Variants in AFF2 observed in about 807,000 individuals in gnomAD.
AFF2 encodes the protein AF4/FMR2 family member 2.
In AFF2, 14 loss-of-function variants were observed where a neutral mutation model predicts 76.9. The observed-to-expected ratio is 0.18, with a 90% CI of 0.12 to 0.28. The LOEUF is 0.28. Among genes scored for constraint, AFF2 ranks in the 10% least tolerant of loss-of-function variants. The pLI is 1.00. For missense variants in AFF2, 868 were observed against 1,001.1 expected, an observed-to-expected ratio of 0.87 and a Z score of 1.79; for synonymous variants, 398 against 366.7, an observed-to-expected ratio of 1.09 and a Z score of -0.98.
At chrX:148,655,431 A>G (rs1557256942) in intron 2 of AFF2, among the ~76,000 whole-genome samples, 1 of 110,261 alleles carries the variant, frequency 9.1e-6, no homozygotes, top group Admixed American at 9.6e-5. Flanking sequence ...GTGCACCACC[A>G]TGTCCGACTA....
chrX:148,867,317 G>A (rs2070919269), intron 7 of AFF2, among the ~76,000 whole-genome samples: 1 of 112,080 alleles, frequency 8.9e-6, no homozygotes, highest in African/African-American at 3.2e-5. Flanking sequence ...TCTGGAGAAG[G>A]GCCCACCTGG....
chrX:148,614,717 C>CTTTCTTTCTTTCTT, intron 1 of AFF2, among the ~76,000 whole-genome samples: 1 of 47,694 alleles, frequency 2.1e-5, no homozygotes, highest in South Asian at 9.9e-4. Context: ...TTCTTTCTTT[C>CTTTCTTTCTTTCTT]TTTCTTTCTT....
chrX:148,845,317 T>C (rs1422700261), intron 7 of AFF2, among the ~76,000 whole-genome samples: 1 of 112,568 alleles, frequency 8.9e-6, no homozygotes, highest in African/African-American at 3.2e-5. Context: ...CAGTAGTTTG[T>C]AACTAACAGA....
intron 1 of AFF2, among the ~76,000 whole-genome samples, chrX:148,619,166 A>G (rs1357387189): frequency 1.8e-5 from 2 of 111,868 alleles, no homozygotes; most frequent in African/African-American, 6.5e-5. Flanking sequence ...CCTTGCATAC[A>G]ATCCCTCATG....
chrX:148,859,896 T>C (rs1490177074), intron 7 of AFF2, among the ~76,000 whole-genome samples: 24 of 111,045 alleles, frequency 2.2e-4, no homozygotes, highest in African/African-American at 7.5e-4. Flanking sequence ...GGTATACATG[T>C]GCCATGTTGG....
At chrX:148,951,562 A>G (rs2071969159) in intron 9 of AFF2, among the ~76,000 whole-genome samples, 1 of 112,059 alleles carries the variant, frequency 8.9e-6, no homozygotes, top group Non-Finnish European at 1.9e-5. Flanking sequence ...ACCACCCAGT[A>G]TTCTCAGTGT....
At chrX:148,614,737 C>T (rs374196158) in intron 1 of AFF2, among the ~76,000 whole-genome samples, 3,368 of 45,349 alleles carry the variant, frequency 0.074, 86 homozygotes, top group Non-Finnish European at 0.099. Context: ...TTCTTTCCTT[C>T]TTTTCTTTCT....
chrX:148,882,405 G>A (rs1334244256), intron 7 of AFF2, among the ~76,000 whole-genome samples: 2 of 111,694 alleles, frequency 1.8e-5, no homozygotes, highest in African/African-American at 6.5e-5. Flanking sequence ...CAAATTATAG[G>A]TCACAGTAAA....
At chrX:148,852,397 T>G (rs1184088931) in intron 7 of AFF2, among the ~76,000 whole-genome samples, 2 of 107,375 alleles carry the variant, frequency 1.9e-5, no homozygotes, top group African/African-American at 6.7e-5. Context: ...TGGTTTTTTT[T>G]TTTTTTTTTT....
rs188445581 is a variant in AFF2, at chrX:148,740,165, T to C, written c.1042-69711T>C. On this transcript the variant is annotated intron_variant, in intron 3 of 20. Coordinates refer to ENST00000370460, the MANE Select transcript of AFF2 (RefSeq NM_002025.4). ...TTTGTGATGAACTTCCTAGGTGTTC[T>C]TTGTGCTTCTTGTATATGCATGTCT... 5.4e-5 allele frequency among the ~76,000 whole-genome samples: 6 copies of C among 111,753 alleles called. No homozygotes were observed. The East Asian group carries it at 1.7e-3, about 31-fold the overall frequency.
At chrX:148,970,674 T>G (rs1195611654) in intron 15 of AFF2, among the ~76,000 whole-genome samples, 2 of 112,072 alleles carry the variant, frequency 1.8e-5, no homozygotes, top group Non-Finnish European at 3.8e-5. Flanking sequence ...CAAACTAAAA[T>G]ATTTAGTAGT....
At chrX:148,833,110 C>G (rs1336995033) in intron 4 of AFF2, among the ~76,000 whole-genome samples, 8 of 111,169 alleles carry the variant, frequency 7.2e-5, no homozygotes, top group African/African-American at 6.6e-5. Flanking sequence ...CACACACACT[C>G]GCACACACAT....
In AFF2 at chrX:148,992,446, G is replaced by A. The variant is rs1302715731; in HGVS notation, c.*1114G>A. The A allele has an allele frequency of 2.7e-5, 3 of 111,438 alleles. No homozygotes were observed. Among genetic ancestry groups the A allele is most frequent in the Non-Finnish European group, 3.8e-5 (2 of 53,025 alleles). The allele number at this position is 111,438 out of a possible 1,213,427, so 9.2% of individuals were successfully genotyped here. On this transcript the variant is annotated 3_prime_UTR_variant, in exon 21 of 21. Coordinates refer to ENST00000370460, the MANE Select transcript of AFF2 (RefSeq NM_002025.4). ...ACATTTTCTCTCTTATAGGTTTTCT[G>A]TTTTCTACTTTCTTTTTTCTCTTAT...
chrX:148,851,761 T>G (rs1557275392), intron 7 of AFF2, among the ~76,000 whole-genome samples: 1 of 111,158 alleles, frequency 9.0e-6, no homozygotes, highest in East Asian at 2.8e-4. Context: ...TTTTTAACTT[T>G]TATTTTAGGT....
At chrX:148,990,912 T>C (rs1449929266) in intron 20 of AFF2, among the ~76,000 whole-genome samples, 3 of 112,373 alleles carry the variant, frequency 2.7e-5, no homozygotes, top group Non-Finnish European at 3.8e-5. Context: ...CCCTACAATT[T>C]TGTGTAGAAA....
chrX:148,543,639 G>C (rs2052885934), intron 1 of AFF2, among the ~76,000 whole-genome samples: 1 of 111,772 alleles, frequency 8.9e-6, no homozygotes, highest in South Asian at 3.8e-4. Flanking sequence ...AGATGTAATT[G>C]CCTAGTTCCT....
intron 3 of AFF2, among the ~76,000 whole-genome samples, chrX:148,778,298 T>C (rs2069693680): frequency 9.0e-6 from 1 of 111,498 alleles, no homozygotes; most frequent in African/African-American, 3.3e-5. Context: ...GTGAGGGATA[T>C]TGGCCTGAAA....
intron 4 of AFF2, chrX:148,822,582 G>T (rs1361593818): frequency 9.0e-6 from 1 of 110,826 alleles, no homozygotes; most frequent in Non-Finnish European, 1.9e-5. Context: ...CTACTACAAT[G>T]GGAGAGATTT....
At chrX:148,631,885 T>C (rs2124432155) in intron 1 of AFF2, among the ~76,000 whole-genome samples, 1 of 111,906 alleles carries the variant, frequency 8.9e-6, no homozygotes, top group African/African-American at 3.2e-5. Context: ...AAACTTCTGT[T>C]TGTGTGGATA....
Sources: gnomAD v4.1 joint callset for allele counts (sites outside exome capture counted in the v4.1 genomes callset) on GRCh38, gnomAD v4.1.1 for gene constraint, MANE v1.5 for transcripts, NCBI Gene and HGNC (gene_info 2026-07-23, HGNC 2026-07-21) for gene names.